Variants in PPP1R14C observed in about 807,000 individuals in gnomAD.
The protein encoded by PPP1R14C is protein phosphatase 1 regulatory inhibitor subunit 14C.
A neutral mutation model predicts 20.4 loss-of-function variants in PPP1R14C; 16 were observed. The observed-to-expected ratio is 0.78, with a 90% CI of 0.53 to 1.19. The LOEUF is 1.19. PPP1R14C is among the 50% of genes most tolerant of loss of function. PPP1R14C has a pLI of 0.00. For synonymous variants in PPP1R14C, 91 were observed against 91.0 expected (o/e 1.00, Z 0.00); for missense variants, 211 against 220.1 (o/e 0.96, Z 0.26).
chr6:150,164,197 C>A (rs1417577801), intron 1 of PPP1R14C, among the ~76,000 whole-genome samples: 1 of 152,112 alleles, frequency 6.6e-6, no homozygotes, highest in Non-Finnish European at 1.5e-5. Context: ...TTGTTCAATT[C>A]TTTTGCCCAT....
chr6:150,247,638 C>T (rs1778508123), intron 3 of PPP1R14C, among the ~76,000 whole-genome samples: 1 of 152,074 alleles, frequency 6.6e-6, no homozygotes, highest in Admixed American at 6.5e-5. Flanking sequence ...TTTGTAGGTA[C>T]CGGATTGTAA....
chr6:150,203,157 C>G (rs1408494719), intron 1 of PPP1R14C, among the ~76,000 whole-genome samples: 1 of 152,148 alleles, frequency 6.6e-6, no homozygotes, highest in African/African-American at 2.4e-5. Context: ...TATAGATGCA[C>G]CCTTATAAGA....
intron 1 of PPP1R14C, among the ~76,000 whole-genome samples, chr6:150,151,583 G>GT: frequency 6.6e-6 from 1 of 152,184 alleles, no homozygotes; most frequent in Non-Finnish European, 1.5e-5. Context: ...TGCTGCTATT[G>GT]TTTCTACTAC....
In PPP1R14C at chr6:150,201,159, C is replaced by T. The variant is rs1006048764; in HGVS notation, c.307-13585C>T. ...AAATAGAGATGATGATAATACTCACCTCAGGGAATTGTTTGTTATTTTATT... is the reference window on the plus strand; with the variant it reads ...AAATAGAGATGATGATAATACTCACTTCAGGGAATTGTTTGTTATTTTATT... On this transcript the variant is annotated intron_variant, in intron 1 of 3. Transcript: ENST00000361131. The surrounding 1 kb of genome is among the most constrained non-coding windows in gnomAD (Gnocchi z 4.2). Among the ~76,000 whole-genome samples the T allele has an allele frequency of 9.8e-5, 15 of 152,302 alleles. No individual in the cohort carries two copies. Among genetic ancestry groups the T allele is most frequent in the African/African-American group, 3.4e-4 (14 of 41,572 alleles).
intron 3 of PPP1R14C, among the ~76,000 whole-genome samples, chr6:150,230,340 A>G (rs1018652905): frequency 6.6e-6 from 1 of 152,154 alleles, no homozygotes; most frequent in African/African-American, 2.4e-5. Flanking sequence ...GAGTTGACTC[A>G]ATTTGCTGTA....
chr6:150,160,018 G>A lies in PPP1R14C; in HGVS notation c.306+16520G>A, dbSNP rs140133244. Among the ~76,000 whole-genome samples the A allele has an allele frequency of 2.0e-5, 3 of 152,194 alleles. 1 individual carries two copies. Among genetic ancestry groups the A allele is most frequent in the Non-Finnish European group, 2.9e-5 (2 of 68,012 alleles). ...GAATGTCCCTCACATGGCATTTGTC[G>A]GATGTTTTTCTCATGATTAGACTGC... is the stretch of plus-strand genomic sequence containing the variant. On this transcript the variant is annotated intron_variant, in intron 1 of 3. Transcript: ENST00000361131.
chr6:150,215,485 A>T (rs1331469234), intron 2 of PPP1R14C, among the ~76,000 whole-genome samples: 3 of 152,186 alleles, frequency 2.0e-5, no homozygotes, highest in Non-Finnish European at 4.4e-5. Context: ...CTTAATGTCC[A>T]CTGATAATTA....
At chr6:150,171,109 C>T (rs971791903) in intron 1 of PPP1R14C, among the ~76,000 whole-genome samples, 3 of 152,066 alleles carry the variant, frequency 2.0e-5, no homozygotes, top group Admixed American at 6.6e-5. Flanking sequence ...ACCATTATCA[C>T]CCAAAGTGCA....
intron 3 of PPP1R14C, among the ~76,000 whole-genome samples, chr6:150,236,658 C>T (rs1778365218): frequency 7.9e-6 from 1 of 127,342 alleles, no homozygotes; most frequent in Non-Finnish European, 1.7e-5. Context: ...TGTGTTTAGC[C>T]AGGAGGGAGC....
intron 1 of PPP1R14C, among the ~76,000 whole-genome samples, chr6:150,204,657 C>T (rs778752283): frequency 6.6e-6 from 1 of 152,194 alleles, no homozygotes; most frequent in Non-Finnish European, 1.5e-5. Flanking sequence ...CCCCATTTTA[C>T]AGGTGTGGGA....
intron 1 of PPP1R14C, among the ~76,000 whole-genome samples, chr6:150,205,388 T>C (rs1347934721): frequency 6.6e-6 from 1 of 152,172 alleles, no homozygotes; most frequent in Non-Finnish European, 1.5e-5. Context: ...TGCTGTTGCA[T>C]AGGTGTGAGC....
intron 2 of PPP1R14C, among the ~76,000 whole-genome samples, chr6:150,216,052 C>T (rs866046945): frequency 3.3e-5 from 5 of 152,164 alleles, no homozygotes; most frequent in East Asian, 1.9e-4. Flanking sequence ...GAAGGAAAAC[C>T]GGAAAGGGGG....
rs1422727704 is a variant in PPP1R14C, at chr6:150,185,340, A to G, written c.307-29404A>G. Among the ~76,000 whole-genome samples the G allele has an allele frequency of 1.3e-5, 2 of 152,144 alleles. No homozygotes were observed. Among genetic ancestry groups the G allele is most frequent in the Admixed American group, 1.3e-4 (2 of 15,282 alleles). The stretch of plus-strand genomic sequence containing the variant: ...ACCGACCATGTCTCATGAAAGTCAC[A>G]CAGACCTGCAAGGCTCCTGCAATCT... On this transcript the variant is annotated intron_variant, in intron 1 of 3. Transcript: ENST00000361131. This position sits in a 1 kb window ranked among gnomAD's most constrained non-coding sequence, Gnocchi z 4.1.
rs773053781 is a variant in PPP1R14C, at chr6:150,248,920, C to CT, written c.*100_*101insT. 56 of 605,814 alleles carry CT rather than the reference C, an allele frequency of 9.2e-5. No individual in the cohort carries two copies. The highest frequency in any genetic ancestry group is 2.8e-4 in the Middle Eastern group (1 of 3,610). The allele number at this position is 605,814 out of a possible 1,614,324, so 37.5% of individuals were successfully genotyped here. A position where few individuals can be genotyped will look rare whatever the true frequency, so the allele number is the denominator to read the frequency against. On this transcript the variant is annotated 3_prime_UTR_variant, in exon 4 of 4. Transcript: ENST00000361131. ...AAAGAATAGGTGTCCTTATGAACAA[C>CT]GTTTTTGTTTTTTTTTTTTTCTTTT...
chr6:150,173,460 C>T (rs1777520902), intron 1 of PPP1R14C, among the ~76,000 whole-genome samples: 2 of 152,104 alleles, frequency 1.3e-5, no homozygotes, highest in Non-Finnish European at 2.9e-5. Flanking sequence ...ACATGCTGCT[C>T]GGAGAGGCCA....
chr6:150,249,189 T>A lies in PPP1R14C; in HGVS notation c.*369T>A. 2.5e-6 allele frequency: 1 copy of A among 399,170 alleles called. No individual in the cohort carries two copies. Among genetic ancestry groups the A allele is most frequent in the Non-Finnish European group, 4.4e-6 (1 of 226,754 alleles). 24.7% of individuals were successfully genotyped at this position (399,170 alleles called of 1,614,324 possible). On this transcript the variant is annotated 3_prime_UTR_variant, in exon 4 of 4. Coordinates refer to ENST00000361131, the MANE Select transcript of PPP1R14C (RefSeq NM_030949.3). ...GAAGATAGTTTTCTTACAAGTAGTTTGGTAATATTTTTTTTCTTAAGTTGT... is the reference window on the plus strand; with the variant it reads ...GAAGATAGTTTTCTTACAAGTAGTTAGGTAATATTTTTTTTCTTAAGTTGT...
chr6:150,241,480 A>T (rs1209088946), intron 3 of PPP1R14C, among the ~76,000 whole-genome samples: 1 of 152,226 alleles, frequency 6.6e-6, no homozygotes, highest in African/African-American at 2.4e-5. Flanking sequence ...GGTCAGCCAG[A>T]AGTATAGGTT....
intron 1 of PPP1R14C, among the ~76,000 whole-genome samples, chr6:150,177,546 A>T (rs143450765): frequency 1.3e-5 from 2 of 152,136 alleles, no homozygotes; most frequent in Admixed American, 6.5e-5. Context: ...GTGGTCACAG[A>T]TAGCCTTACT....
At chr6:150,226,285 A>G (rs930490852) in intron 3 of PPP1R14C, among the ~76,000 whole-genome samples, 2 of 152,228 alleles carry the variant, frequency 1.3e-5, no homozygotes, top group Non-Finnish European at 2.9e-5. Flanking sequence ...AATGTAGTGA[A>G]TATTAAAATA....
Sources: allele counts gnomAD v4.1 joint callset (sites outside exome capture counted in the v4.1 genomes callset), GRCh38; gene constraint gnomAD v4.1.1; non-coding constraint Gnocchi (gnomAD v3.1); transcripts MANE v1.5; gene names NCBI Gene and HGNC (gene_info 2026-07-23, HGNC 2026-07-21).